Variants in CCDC30 observed in about 807,000 individuals in gnomAD.
The protein encoded by CCDC30 is coiled-coil domain containing 30, also known as coiled-coil domain-containing protein 30.
CCDC30 carries 70 observed loss-of-function variants against 100.2 expected under a neutral mutation model. That is an observed-to-expected ratio of 0.70 (90% CI 0.58 to 0.85). The LOEUF (loss-of-function observed/expected upper bound fraction) is 0.85, where lower values mean the gene tolerates loss of function less well. Ranked by LOEUF, CCDC30 falls within the 40% of genes least tolerant of loss-of-function variation. The pLI is 0.00. For missense variants in CCDC30, 652 were observed against 771.2 expected, an observed-to-expected ratio of 0.85 and a Z score of 1.83; for synonymous variants, 233 against 269.5, an observed-to-expected ratio of 0.86 and a Z score of 1.33.
chr1:42,644,667 A>G (rs1647730649), intron 13 of CCDC30, 26 bp from the exon 18 acceptor site: 2 of 1,352,558 alleles, frequency 1.5e-6, no homozygotes, highest in Non-Finnish European at 2.1e-6. Context: ...ATCTCTAATC[A>G]TGCCACTGAT....
chr1:42,528,159 C>T (rs909063620), intron 6 of CCDC30, among the ~76,000 whole-genome samples: 4 of 152,114 alleles, frequency 2.6e-5, no homozygotes, highest in Non-Finnish European at 5.9e-5. Context: ...AGCCACTGAG[C>T]CCGGCCTCCT....
chr1:42,631,405 A>G (rs988041037), intron 11 of CCDC30, among the ~76,000 whole-genome samples: 2 of 152,180 alleles, frequency 1.3e-5, no homozygotes, highest in African/African-American at 2.4e-5. Context: ...GGCCACCACT[A>G]GGACTGTGTT....
At chr1:42,642,098 C>T (rs1283780715) in intron 12 of CCDC30, among the ~76,000 whole-genome samples, 1 of 151,584 alleles carries the variant, frequency 6.6e-6, no homozygotes, top group Non-Finnish European at 1.5e-5. Context: ...TAGTGGTGGG[C>T]ACCTGTAGTC....
chr1:42,557,446 G>T lies in CCDC30; in HGVS notation c.457-8850G>T, dbSNP rs112922150. ...CAGTGGACATTGGCCAGTGTGGGAG[G>T]CTTGAGCAGAAGCTGAACACTGTGA... is the stretch of plus-strand genomic sequence containing the variant. On this transcript the variant is annotated intron_variant, in intron 6 of 16. Coordinates refer to ENST00000668663, the Ensembl canonical transcript of CCDC30. Among the ~76,000 whole-genome samples the T allele has an allele frequency of 6.1e-3, 922 of 152,120 alleles. 5 individuals are homozygous for T. The highest frequency in any genetic ancestry group is 0.021 in the African/African-American group (860 of 41,528).
In CCDC30 at chr1:42,492,086, C is replaced by T. The variant is rs1644152438; in HGVS notation, c.241+1857C>T. 6 of 330,526 alleles carry T rather than the reference C, an allele frequency of 1.8e-5. No homozygotes were observed. The South Asian group carries it at 2.2e-4, about 12-fold the overall frequency. The allele number at this position is 330,526 out of a possible 1,614,324, so 20.5% of individuals were successfully genotyped here. A position where few individuals can be genotyped will look rare whatever the true frequency, so the allele number is the denominator to read the frequency against. On this transcript the variant is annotated intron_variant, in intron 4 of 16. Coordinates refer to ENST00000668663, the Ensembl canonical transcript of CCDC30. ...GTTCCGTGGTCAAAAAATGGCAGAC[C>T]ATGATTGAACCTCACATTGATGTCA... is the stretch of plus-strand genomic sequence containing the variant.
chr1:42,628,597 A>G (rs1646975410), intron 11 of CCDC30, among the ~76,000 whole-genome samples: 1 of 152,160 alleles, frequency 6.6e-6, no homozygotes, highest in Non-Finnish European at 1.5e-5. Flanking sequence ...CATGGGGGCC[A>G]GTCTTTCCTG....
At chr1:42,481,766 T>C (rs1449210652) in intron 2 of CCDC30, among the ~76,000 whole-genome samples, 1 of 152,114 alleles carries the variant, frequency 6.6e-6, no homozygotes, top group Non-Finnish European at 1.5e-5. Flanking sequence ...GTCTGGTGAA[T>C]AAAGTGTACA....
chr1:42,621,497 T>TTTTATTTATTTA (rs148757100), intron 11 of CCDC30, among the ~76,000 whole-genome samples: 12,200 of 145,214 alleles, frequency 0.084, 634 homozygotes, highest in East Asian at 0.15. Context: ...GTTTATTTTA[T>TTTTATTTATTTA]TTTATTTATT....
Position 42,604,721 on chromosome 1 carries a change from G to A in CCDC30, c.1165-6257G>A, listed in dbSNP as rs564461705. On this transcript the variant is annotated intron_variant, in intron 10 of 16. Coordinates refer to ENST00000668663, the Ensembl canonical transcript of CCDC30. ...CAATGCCCAGTCCCCTTGATAAGAG[G>A]CTACAGGTCCTCTTAGGGGAATGTT... Among the ~76,000 whole-genome samples, 11 of 152,252 alleles carry A rather than the reference G, an allele frequency of 7.2e-5. No homozygotes were observed. In the East Asian group the frequency reaches 1.9e-3, roughly 27 times the overall value.
intron 6 of CCDC30, among the ~76,000 whole-genome samples, chr1:42,527,745 G>A (rs925688304): frequency 1.3e-5 from 2 of 152,128 alleles, no homozygotes; most frequent in Non-Finnish European, 2.9e-5. Context: ...CTAGGAAAAA[G>A]ATTAATGATG....
chr1:42,603,613 C>T (rs570921425), intron 10 of CCDC30, among the ~76,000 whole-genome samples: 29 of 152,290 alleles, frequency 1.9e-4, no homozygotes, highest in Admixed American at 1.1e-3. Context: ...AAATCCAGAG[C>T]ACTGACAACA....
At chr1:42,641,435 C>T (rs531791637) in intron 12 of CCDC30, among the ~76,000 whole-genome samples, 2 of 151,982 alleles carry the variant, frequency 1.3e-5, no homozygotes, top group South Asian at 4.2e-4. Flanking sequence ...GCCTGTAGTC[C>T]TAGCTACTCA....
chr1:42,608,135 TACCATGTCTGTAATTCAGCCCCAAAC>T (rs1646541130), intron 10 of CCDC30, among the ~76,000 whole-genome samples: 1 of 151,414 alleles, frequency 6.6e-6, no homozygotes, highest in Admixed American at 6.6e-5. Flanking sequence ...TAAGGCTCAT[TACCATGTCTGTAATTCAGCCCCAAAC>T]ACCATGTCTG....
chr1:42,556,033 T>C (rs1305499758), intron 6 of CCDC30, 123 bp from the exon 10 acceptor site: 1 of 930,042 alleles, frequency 1.1e-6, no homozygotes, highest in African/African-American at 1.7e-5. Flanking sequence ...AGATGACTGT[T>C]GTGCTATAGA....
chr1:42,493,732 A>G (rs903728123), intron 4 of CCDC30, among the ~76,000 whole-genome samples: 2 of 152,242 alleles, frequency 1.3e-5, no homozygotes, highest in African/African-American at 4.8e-5. Context: ...ACAAATTACC[A>G]ATATAAAAAA....
chr1:42,527,356 A>T (rs141107705), intron 6 of CCDC30, among the ~76,000 whole-genome samples: 39 of 152,288 alleles, frequency 2.6e-4, no homozygotes, highest in African/African-American at 8.4e-4. Flanking sequence ...CACTTTGGAA[A>T]CAGTCTGCCT....
At chr1:42,602,621 A>G (rs114429808) in intron 10 of CCDC30, among the ~76,000 whole-genome samples, 1,851 of 152,350 alleles carry the variant, frequency 0.012, 19 homozygotes, top group Non-Finnish European at 0.019. Flanking sequence ...GAATAGAACT[A>G]TATCTATTAA....
chr1:42,642,469 C>A lies in CCDC30; in HGVS notation c.1420-4C>A. ...TGGTAATTAGGAGACTTTCTAATCCCTAGGAGAAGGCAATACAGGACCAGA... is the reference window on the plus strand; with the variant it reads ...TGGTAATTAGGAGACTTTCTAATCCATAGGAGAAGGCAATACAGGACCAGA... On this transcript the variant is annotated splice_region_variant and splice_polypyrimidine_tract_variant and intron_variant, in intron 12 of 16. Coordinates refer to ENST00000668663, the Ensembl canonical transcript of CCDC30. The A allele has an allele frequency of 6.5e-7, 1 of 1,547,742 alleles. No individual in the cohort carries two copies.
At chr1:42,592,716 A>AAAAT (rs1298697059) in intron 10 of CCDC30, 3 of 152,188 alleles carry the variant, frequency 2.0e-5, no homozygotes, top group Non-Finnish European at 2.9e-5. Context: ...CCTGTCTCAA[A>AAAAT]AAATAAATAA....
Sources: gnomAD v4.1 joint callset for allele counts (sites outside exome capture counted in the v4.1 genomes callset) on GRCh38, gnomAD v4.1.1 for gene constraint, MANE v1.5 for transcripts, NCBI Gene and HGNC (gene_info 2026-07-23, HGNC 2026-07-21) for gene names.